The following SDK1 variants were observed in gnomAD, a reference collection of about 807,000 sequenced individuals.
The protein encoded by SDK1 is protein sidekick-1.
Under a neutral mutation model 245.5 loss-of-function variants are expected in SDK1, and 157 were observed. The observed-to-expected ratio is 0.64, with a 90% CI of 0.56 to 0.73. The LOEUF (loss-of-function observed/expected upper bound fraction) is 0.73. Ranked by LOEUF, SDK1 falls within the 30% of genes least tolerant of loss-of-function variation. The pLI, the probability that SDK1 is intolerant of heterozygous loss-of-function variation, is 0.00. For synonymous variants in SDK1, 1,647 were observed against 1,278.5 expected (o/e 1.29, Z -6.15); for missense variants, 3,583 against 3,002.3 (o/e 1.19, Z -4.52).
chr7:3,754,845 A>G (rs769419012), intron 4 of SDK1, among the ~76,000 whole-genome samples: 3 of 152,150 alleles, frequency 2.0e-5, no homozygotes, highest in Non-Finnish European at 4.4e-5. Context: ...AGAAGTTCAA[A>G]AGTTTTGGTG....
chr7:3,909,643 C>T (rs752137220), intron 5 of SDK1, among the ~76,000 whole-genome samples: 1 of 152,224 alleles, frequency 6.6e-6, no homozygotes, highest in Admixed American at 6.5e-5. Context: ...TATATGCGCT[C>T]TCCAGTATGA....
intron 2 of SDK1, among the ~76,000 whole-genome samples, chr7:3,626,412 C>A (rs1016174478): frequency 1.3e-5 from 2 of 152,198 alleles, no homozygotes; most frequent in South Asian, 4.1e-4. Flanking sequence ...GTAGAACAAG[C>A]TATTTTTCTT....
At chr7:3,953,779 C>G (rs190566814) in intron 7 of SDK1, among the ~76,000 whole-genome samples, 50 of 152,316 alleles carry the variant, frequency 3.3e-4, no homozygotes, top group Non-Finnish European at 5.9e-4. Flanking sequence ...TCTCCGTGTT[C>G]TGACTTTTAA....
intron 1 of SDK1, among the ~76,000 whole-genome samples, chr7:3,441,266 C>T (rs1159314083): frequency 6.6e-6 from 1 of 151,850 alleles, no homozygotes; most frequent in Non-Finnish European, 1.5e-5. Flanking sequence ...TAGGAAAAAA[C>T]AGTATATATA....
chr7:3,483,149 T>G (rs1360248545), intron 1 of SDK1, among the ~76,000 whole-genome samples: 2 of 152,214 alleles, frequency 1.3e-5, no homozygotes, highest in East Asian at 3.8e-4. Context: ...ATGTTTGAAT[T>G]TTGATGAGGA....
chr7:4,115,638 C>T (rs968705163), intron 25 of SDK1, among the ~76,000 whole-genome samples: 3 of 152,144 alleles, frequency 2.0e-5, no homozygotes, highest in Admixed American at 1.3e-4. Flanking sequence ...GGCACAGAAT[C>T]GCTCTTGAAG....
intron 2 of SDK1, among the ~76,000 whole-genome samples, chr7:3,626,871 AAAAC>A (rs370200934): frequency 3.0e-4 from 46 of 152,290 alleles, no homozygotes; most frequent in African/African-American, 1.0e-3. Flanking sequence ...AGTTGGGAAA[AAAAC>A]AAATAGATGG....
chr7:3,538,316 C>G (rs543054324), intron 1 of SDK1, among the ~76,000 whole-genome samples: 85 of 152,204 alleles, frequency 5.6e-4, no homozygotes, highest in African/African-American at 1.8e-3. Flanking sequence ...TCTTGTGTTT[C>G]CACCTTTAAA....
chr7:4,065,710 T>TG (rs1779850260), intron 19 of SDK1, among the ~76,000 whole-genome samples: 18 of 83,160 alleles, frequency 2.2e-4, no homozygotes, highest in South Asian at 3.4e-4. Context: ...TTTTTTTTTT[T>TG]TTTTTTTTTT....
At chr7:3,961,680 C>G (rs1356439029) in intron 8 of SDK1, among the ~76,000 whole-genome samples, 1 of 152,152 alleles carries the variant, frequency 6.6e-6, no homozygotes, top group African/African-American at 2.4e-5. Flanking sequence ...CAGTAGAACT[C>G]CATGAAGGCC....
At chr7:4,203,567 C>T (rs1048306521) in intron 35 of SDK1, among the ~76,000 whole-genome samples, 24 of 151,226 alleles carry the variant, frequency 1.6e-4, no homozygotes, top group Admixed American at 2.0e-4. Context: ...GTATGTATGT[C>T]ATCCTTACAC....
intron 4 of SDK1, among the ~76,000 whole-genome samples, chr7:3,785,854 C>T (rs1780884933): frequency 6.6e-6 from 1 of 150,442 alleles, no homozygotes; most frequent in Admixed American, 6.6e-5. Context: ...GTCACATCAT[C>T]ATCCTGTTAA....
chr7:3,744,877 CA>C (rs1002879065), intron 4 of SDK1, among the ~76,000 whole-genome samples: 2 of 151,856 alleles, frequency 1.3e-5, no homozygotes, highest in African/African-American at 4.8e-5. Context: ...AGAAAACAAA[CA>C]AAAATGTATA....
At chr7:3,639,333 C>T (rs1768987949) in intron 3 of SDK1, among the ~76,000 whole-genome samples, 1 of 152,180 alleles carries the variant, frequency 6.6e-6, no homozygotes, top group Admixed American at 6.5e-5. Flanking sequence ...TGAAAAGACT[C>T]AGGACCCTAA....
At chr7:3,356,619 G>A (rs1398948476) in intron 1 of SDK1, among the ~76,000 whole-genome samples, 2 of 152,282 alleles carry the variant, frequency 1.3e-5, no homozygotes, top group East Asian at 3.9e-4. Flanking sequence ...ATAGAACTAA[G>A]TGTGTTGTCT....
chr7:4,125,479 A>G (rs1334759055), intron 25 of SDK1, among the ~76,000 whole-genome samples: 1 of 147,540 alleles, frequency 6.8e-6, no homozygotes, highest in South Asian at 2.2e-4. Context: ...GGATCACTGG[A>G]TGGATTGATT....
intron 5 of SDK1, among the ~76,000 whole-genome samples, chr7:3,839,895 C>T (rs2115086184): frequency 6.6e-6 from 1 of 152,078 alleles, no homozygotes; most frequent in Non-Finnish European, 1.5e-5. Context: ...AAGTGTAGTA[C>T]AGTGATAAAG....
intron 33 of SDK1, among the ~76,000 whole-genome samples, chr7:4,174,601 G>GGCCTT (rs1782067562): frequency 6.6e-6 from 1 of 152,174 alleles, no homozygotes; most frequent in Non-Finnish European, 1.5e-5. Context: ...GTTAAGGGGA[G>GGCCTT]AGCAGTTGCC....
intron 1 of SDK1, among the ~76,000 whole-genome samples, chr7:3,597,915 C>T (rs962291737): frequency 9.2e-5 from 14 of 151,838 alleles, no homozygotes; most frequent in African/African-American, 3.2e-4. Context: ...AAAAATTACT[C>T]GTGTGGATGT....
Sources: allele counts gnomAD v4.1 joint callset (sites outside exome capture counted in the v4.1 genomes callset), GRCh38; gene constraint gnomAD v4.1.1; transcripts MANE v1.5; gene names NCBI Gene and HGNC (gene_info 2026-07-23, HGNC 2026-07-21).